Variants in HS3ST4 observed in about 807,000 individuals in gnomAD.
HS3ST4 encodes the protein heparan sulfate-glucosamine 3-sulfotransferase 4, also known as heparan sulfate glucosamine 3-O-sulfotransferase 4.
In HS3ST4, 17 loss-of-function variants were observed where a neutral mutation model predicts 29.2. That is an observed-to-expected ratio of 0.58 (90% CI 0.40 to 0.87). The LOEUF is 0.87. HS3ST4 is among the 40% of genes least tolerant of loss of function. The probability of loss-of-function intolerance (pLI) is 0.00; values close to 1 mark genes in which losing one functional copy is unlikely to be tolerated. For synonymous variants in HS3ST4, 314 were observed against 285.7 expected, an observed-to-expected ratio of 1.10 and a Z score of -1.00; for missense variants, 627 against 634.5, an observed-to-expected ratio of 0.99 and a Z score of 0.13.
At chr16:25,808,660 T>A (rs1967012712) in intron 1 of HS3ST4, among the ~76,000 whole-genome samples, 1 of 152,196 alleles carries the variant, frequency 6.6e-6, no homozygotes, top group African/African-American at 2.4e-5. Context: ...CCTTGTGCAG[T>A]TTTTGATAGA....
In HS3ST4 at chr16:25,692,824, A is replaced by G. The variant is rs2943336; in HGVS notation, c.407A>G (p.Gln136Arg). The part of the protein sequence containing the change: ...WGLPSGGGGA[Q>R]DAWLRTPLAP... ...CTGCCGAGCGGCGGCGGAGGCGCCCAGGACGCCTGGCTCCGGACCCCGCTG... is the reference window on the plus strand; with the variant it reads ...CTGCCGAGCGGCGGCGGAGGCGCCCGGGACGCCTGGCTCCGGACCCCGCTG... The change falls in exon 1 of 2, where the codon CAG becomes CGG. Residue 136 changes from glutamine to arginine, a missense_variant. Gln to Arg is a conservative substitution (Grantham distance 43, BLOSUM62 1). Around this residue, in one of 2 missense-constraint regions of HS3ST4, gnomAD observed 402 missense variants for 340.8 expected, o/e 1.18. Coordinates refer to ENST00000331351, the MANE Select transcript of HS3ST4 (RefSeq NM_006040.3). 1,381,626 of 1,386,452 alleles carry G rather than the reference A, an allele frequency of 1. 688,525 individuals carry two copies. Among genetic ancestry groups the G allele is most frequent in the East Asian group, 1 (32,722 of 32,724 alleles). 85.9% of individuals were successfully genotyped at this position (1,386,452 alleles called of 1,614,324 possible). A position where few individuals can be genotyped will look rare whatever the true frequency, so the allele number is the denominator to read the frequency against.
chr16:25,934,962 G>C (rs887289333), intron 1 of HS3ST4, among the ~76,000 whole-genome samples: 1 of 152,074 alleles, frequency 6.6e-6, no homozygotes, highest in Admixed American at 6.6e-5. Context: ...CGCATGTTGA[G>C]GGACGGAAGT....
intron 1 of HS3ST4, among the ~76,000 whole-genome samples, chr16:25,859,519 T>C (rs1274273151): frequency 6.6e-6 from 1 of 152,202 alleles, no homozygotes; most frequent in African/African-American, 2.4e-5. Flanking sequence ...CAGTAACATT[T>C]CATCAACCTG....
chr16:25,990,451 T>C (rs2141727946), intron 1 of HS3ST4, among the ~76,000 whole-genome samples: 1 of 152,346 alleles, frequency 6.6e-6, no homozygotes, highest in East Asian at 1.9e-4. Context: ...TTTGACCATT[T>C]TAAAGAGCTT....
intron 1 of HS3ST4, among the ~76,000 whole-genome samples, chr16:26,067,012 C>T (rs546001549): frequency 6.6e-6 from 1 of 152,224 alleles, no homozygotes; most frequent in African/African-American, 2.4e-5. Flanking sequence ...CTCCCAGGAG[C>T]TAGATCAGGT....
intron 1 of HS3ST4, among the ~76,000 whole-genome samples, chr16:25,712,780 G>A (rs1315870256): frequency 6.6e-6 from 1 of 152,186 alleles, no homozygotes; most frequent in Non-Finnish European, 1.5e-5. Flanking sequence ...CCCCAACAGA[G>A]TGTATTCGCT....
intron 1 of HS3ST4, among the ~76,000 whole-genome samples, chr16:25,828,649 G>A (rs1040303126): frequency 2.0e-5 from 3 of 151,992 alleles, no homozygotes; most frequent in African/African-American, 7.2e-5. Context: ...CCCCCGATAA[G>A]TAGTTTTTTG....
intron 1 of HS3ST4, among the ~76,000 whole-genome samples, chr16:25,813,629 G>A (rs1261166120): frequency 6.6e-6 from 1 of 152,106 alleles, no homozygotes; most frequent in Non-Finnish European, 1.5e-5. Flanking sequence ...TTGCTTGCTG[G>A]GGGAGGTGTC....
chr16:25,736,006 T>C, intron 1 of HS3ST4, among the ~76,000 whole-genome samples: 1 of 152,186 alleles, frequency 6.6e-6, no homozygotes, highest in African/African-American at 2.4e-5. Flanking sequence ...TATTATCTTG[T>C]AACAGTTGTA....
At chr16:25,970,975 T>A (rs144061373) in intron 1 of HS3ST4, among the ~76,000 whole-genome samples, 4,905 of 152,112 alleles carry the variant, frequency 0.032, 98 homozygotes, top group Middle Eastern at 0.058. Flanking sequence ...CTCAGCCTCC[T>A]GAGTAGCTGG....
chr16:26,102,383 G>A (rs369829111), intron 1 of HS3ST4, among the ~76,000 whole-genome samples: 31 of 152,198 alleles, frequency 2.0e-4, no homozygotes, highest in African/African-American at 7.5e-4. Flanking sequence ...TCAAAAGGTG[G>A]TCCTTTCAAT....
chr16:25,837,347 CAG>C (rs1218843167), intron 1 of HS3ST4, among the ~76,000 whole-genome samples: 1 of 152,064 alleles, frequency 6.6e-6, no homozygotes, highest in African/African-American at 2.4e-5. Context: ...TGTACAGACT[CAG>C]GGGGAAGTGT....
At chr16:25,791,199 T>C (rs1966868520) in intron 1 of HS3ST4, among the ~76,000 whole-genome samples, 1 of 152,148 alleles carries the variant, frequency 6.6e-6, no homozygotes, top group Non-Finnish European at 1.5e-5. Flanking sequence ...CAAGTTATTA[T>C]ATGTTTGTGG....
chr16:26,135,743 AC>A lies in HS3ST4; in HGVS notation c.870del (p.Val291Ter). 1.9e-6 allele frequency: 3 copies of A among 1,613,882 alleles called. No homozygotes were observed. Among genetic ancestry groups the A allele is most frequent in the Non-Finnish European group, 1.7e-6 (2 of 1,179,958 alleles). Reference sequence around the variant, plus strand: ...ATCAAACTGATTGTGGTGGTGAGAAACCCCGTGACCAGGGCCATCTCTGACT... The same window carrying A: ...ATCAAACTGATTGTGGTGGTGAGAAACCCGTGACCAGGGCCATCTCTGACT... Reference protein sequence around the residue: ...KDIKLIVVVRNPVTRAISDYT... With the variant: ...KDIKLIVVVRXPVTRAISDYT... On this transcript the variant is annotated frameshift_variant, in exon 2 of 2. Coordinates refer to ENST00000331351, the MANE Select transcript of HS3ST4 (RefSeq NM_006040.3). LOFTEE classifies it high-confidence loss of function.
intron 1 of HS3ST4, among the ~76,000 whole-genome samples, chr16:25,955,210 C>T (rs558475694): frequency 3.3e-5 from 5 of 152,246 alleles, no homozygotes; most frequent in African/African-American, 4.8e-5. Context: ...ACCTCTGGTG[C>T]AGTGGTATTT....
chr16:25,779,121 G>A (rs774284947), intron 1 of HS3ST4, among the ~76,000 whole-genome samples: 9 of 152,282 alleles, frequency 5.9e-5, no homozygotes, highest in Middle Eastern at 3.4e-3. Context: ...CAACACAGGG[G>A]TTGGCCTAGG....
At chr16:26,015,042 T>G (rs1335806875) in intron 1 of HS3ST4, among the ~76,000 whole-genome samples, 2 of 152,198 alleles carry the variant, frequency 1.3e-5, no homozygotes, top group Non-Finnish European at 2.9e-5. Flanking sequence ...ATGAAATTGA[T>G]AGTAAAAATG....
intron 1 of HS3ST4, among the ~76,000 whole-genome samples, chr16:25,813,568 G>T (rs1967064014): frequency 6.6e-6 from 1 of 152,192 alleles, no homozygotes. Flanking sequence ...TTGCAATCTA[G>T]CCTGGGCAGC....
chr16:26,093,628 A>G (rs953522609), intron 1 of HS3ST4, among the ~76,000 whole-genome samples: 13 of 152,216 alleles, frequency 8.5e-5, no homozygotes, highest in African/African-American at 3.1e-4. Flanking sequence ...TCAAAGACCA[A>G]AGGTAGATAA....
Sources: allele counts gnomAD v4.1 joint callset (sites outside exome capture counted in the v4.1 genomes callset), GRCh38; gene constraint gnomAD v4.1.1; regional missense constraint gnomAD v4.1.1; transcripts MANE v1.5; gene names NCBI Gene and HGNC (gene_info 2026-07-23, HGNC 2026-07-21).